The following ZNF556 variants were observed in gnomAD, a reference collection of about 807,000 sequenced individuals.
The protein encoded by ZNF556 is zinc finger protein 556.
A neutral mutation model predicts 13.6 loss-of-function variants in ZNF556; 11 were observed. The observed-to-expected ratio is 0.81, with a 90% CI of 0.51 to 1.33. ZNF556 has a LOEUF of 1.33. Ranked by LOEUF, ZNF556 falls within the 40% of genes most tolerant of loss-of-function variation. The pLI is 0.00. For synonymous variants in ZNF556, 229 were observed against 207.8 expected (o/e 1.10, Z -0.88); for missense variants, 633 against 566.2 (o/e 1.12, Z -1.20).
rs1456227830 is a variant in ZNF556, at chr19:2,878,678, A to G, written c.*349A>G. The G allele has an allele frequency of 1.2e-5, 2 of 172,910 alleles. No homozygotes were observed. The highest frequency in any genetic ancestry group is 2.5e-5 in the Non-Finnish European group (2 of 80,276). 10.7% of individuals were successfully genotyped at this position (172,910 alleles called of 1,614,324 possible). A position where few individuals can be genotyped will look rare whatever the true frequency, so the allele number is the denominator to read the frequency against. On this transcript the variant is annotated 3_prime_UTR_variant, in exon 4 of 4. Coordinates refer to ENST00000307635, the MANE Select transcript of ZNF556 (RefSeq NM_024967.3). ...GTGACAGAGCGAGACTCCATCTCCA[A>G]AAAAAGAAAATTCATGGCAGGAGAA...
rs760573516 is a variant in ZNF556 at position 2,877,366 on chromosome 19, G to A, written c.408G>A (p.Leu136=). The stretch of plus-strand genomic sequence containing the variant: ...AGACTCGAAATTGTAATCGTCATCT[G>A]CGCAAGAATTGTTGTACTAGTGTAA... ...FRKTRNCNRH[L]RKNCCTSVRR... Residue 136 remains leucine (L), a synonymous_variant, in exon 4 of 4, where the codon CTG becomes CTA. Coordinates refer to ENST00000307635, the MANE Select transcript of ZNF556 (RefSeq NM_024967.3). 6.2e-7 allele frequency: 1 copy of A among 1,614,206 alleles called. No individual in the cohort carries two copies. The highest frequency in any genetic ancestry group is 1.3e-5 in the African/African-American group (1 of 75,042).
chr19:2,872,485 A>G (rs1188755478), intron 1 of ZNF556, among the ~76,000 whole-genome samples: 1 of 152,176 alleles, frequency 6.6e-6, no homozygotes, highest in Non-Finnish European at 1.5e-5. Context: ...CTAGGTTATG[A>G]TTATAGAGCG....
In ZNF556 at chr19:2,878,212, G is replaced by A. The variant is rs189571491; in HGVS notation, c.1254G>A (p.Thr418=). ...GGLCSSKNVR[T]QIGQKPSKCE... ...TTTGCTCTTCCAAAAATGTAAGAACGCAGATTGGACAGAAGCCCAGTAAAT... is the reference window on the plus strand; with the variant it reads ...TTTGCTCTTCCAAAAATGTAAGAACACAGATTGGACAGAAGCCCAGTAAAT... The change falls in exon 4 of 4, where the codon ACG becomes ACA. Residue 418 remains threonine, a synonymous_variant. Coordinates refer to ENST00000307635, the MANE Select transcript of ZNF556 (RefSeq NM_024967.3). 1.6e-5 allele frequency: 26 copies of A among 1,614,154 alleles called. No individual in the cohort carries two copies. Among genetic ancestry groups the A allele is most frequent in the Middle Eastern group, 1.6e-4 (1 of 6,062 alleles).
chr19:2,867,855 T>C (rs1827521666), intron 1 of ZNF556, among the ~76,000 whole-genome samples: 1 of 151,952 alleles, frequency 6.6e-6, no homozygotes, highest in Non-Finnish European at 1.5e-5. Flanking sequence ...GTGCGGGCGC[T>C]CCACGTGGCG....
At chr19:2,875,128 T>C (rs2144889177) in intron 2 of ZNF556, 1 of 153,416 alleles carries the variant, frequency 6.5e-6, no homozygotes, top group East Asian at 1.9e-4. Flanking sequence ...TTGCTTTGTA[T>C]ACATAAGCAT....
In ZNF556 at chr19:2,881,538, C is replaced by G. The variant is rs1025685198; in HGVS notation, c.*3209C>G. ...GTTGCAGTGAGCCAAGATTGCGCCA[C>G]TGCACTCCAGCCTGGGCGACAAGAG... On this transcript the variant is annotated 3_prime_UTR_variant, in exon 4 of 4. Transcript: ENST00000307635. The G allele has an allele frequency of 6.6e-6, 1 of 151,378 alleles. No homozygotes were observed. The highest frequency in any genetic ancestry group is 2.4e-5 in the African/African-American group (1 of 41,116). The allele number at this position is 151,378 out of a possible 1,614,324, so 9.4% of individuals were successfully genotyped here. A position where few individuals can be genotyped will look rare whatever the true frequency, so the allele number is the denominator to read the frequency against.
rs534149377 is a variant in ZNF556, at chr19:2,882,237, C to G, written c.*3908C>G. 6.6e-6 allele frequency: 1 copy of G among 152,034 alleles called. No individual in the cohort carries two copies. Among genetic ancestry groups the G allele is most frequent in the Non-Finnish European group, 1.5e-5 (1 of 68,036 alleles). 9.4% of individuals were successfully genotyped at this position (152,034 alleles called of 1,614,324 possible). On this transcript the variant is annotated 3_prime_UTR_variant, in exon 4 of 4. Transcript: ENST00000307635. ...GGTCAGGAGATCAAGACCATCCTGGCTAACCCGGTGAAACCCTGTCTCTAG... is the reference window on the plus strand; with the variant it reads ...GGTCAGGAGATCAAGACCATCCTGGGTAACCCGGTGAAACCCTGTCTCTAG...
chr19:2,869,632 C>T (rs1017991015), intron 1 of ZNF556, among the ~76,000 whole-genome samples: 3 of 152,304 alleles, frequency 2.0e-5, no homozygotes, highest in African/African-American at 7.2e-5. Flanking sequence ...TCCCAAAGTG[C>T]TGGGATTAAC....
intron 1 of ZNF556, among the ~76,000 whole-genome samples, 200 bp downstream of exon 1, chr19:2,867,624 G>A (rs959067733): frequency 1.3e-5 from 2 of 151,330 alleles, no homozygotes; most frequent in Admixed American, 1.3e-4. Context: ...TTGTCAGGAC[G>A]CTGGGATGGA....
chr19:2,876,793 G>T (rs1042224838), intron 3 of ZNF556, among the ~76,000 whole-genome samples: 1 of 152,122 alleles, frequency 6.6e-6, no homozygotes, highest in East Asian at 1.9e-4. Context: ...TTTTGTAATG[G>T]ACTGTGGTTG....
intron 1 of ZNF556, among the ~76,000 whole-genome samples, chr19:2,867,738 A>AAAAAAAACC (rs1227375570): frequency 7.0e-6 from 1 of 142,468 alleles, no homozygotes; most frequent in African/African-American, 2.5e-5. Flanking sequence ...AAAAAAAAAA[A>AAAAAAAACC]CCTCACCCCA....
Position 2,877,731 on chromosome 19 carries a change from C to T in ZNF556, c.773C>T (p.Pro258Leu), listed in dbSNP as rs775935402. Reference protein sequence around the residue: ...AHVMMHAGGRPYECKHCGKAF... With the variant: ...AHVMMHAGGRLYECKHCGKAF... ...GTGATGATGCACGCCGGAGGGAGAC[C>T]GTATGAGTGCAAGCACTGTGGGAAA... The change falls in exon 4 of 4, where the codon CCG becomes CTG. Residue 258 changes from proline (P) to leucine (L), a missense_variant. Pro to Leu is a moderately conservative substitution (Grantham distance 98). Transcript: ENST00000307635. 22 of 1,613,164 alleles carry T rather than the reference C, an allele frequency of 1.4e-5. No individual in the cohort carries two copies. Among genetic ancestry groups the T allele is most frequent in the Admixed American group, 1.0e-4 (6 of 59,944 alleles).
At chr19:2,873,710 T>G in intron 2 of ZNF556, 88 bp downstream of exon 2, 1 of 1,482,766 alleles carries the variant, frequency 6.7e-7, no homozygotes, top group Non-Finnish European at 9.2e-7. Flanking sequence ...TCCCAGTGCT[T>G]TAGGAGGCTA....
intron 1 of ZNF556, among the ~76,000 whole-genome samples, chr19:2,871,071 C>T (rs990472134): frequency 1.3e-5 from 2 of 148,666 alleles, no homozygotes; most frequent in Non-Finnish European, 3.0e-5. Context: ...GACTATGACA[C>T]AGGATAAAGA....
rs199674434 is a variant in ZNF556 at position 2,877,925 on chromosome 19, G to T, written c.967G>T (p.Ala323Ser). The T allele has an allele frequency of 1.9e-6, 3 of 1,614,202 alleles. No homozygotes were observed. In the African/African-American group the frequency reaches 4.0e-5, roughly 22 times the overall value. ...CTATAAGTGTGGAAAATGCGGGAAA[G>T]CATTCGGTTGGCCCTCATCCTTACA... ...KPYKCGKCGK[A>S]FGWPSSLHKH... is the part of the protein sequence containing the mutation. Residue 323 changes from alanine (A) to serine (S), a missense_variant, in exon 4 of 4, where the codon GCA becomes TCA. Coordinates refer to ENST00000307635, the MANE Select transcript of ZNF556 (RefSeq NM_024967.3).
At position 2,877,588 on chromosome 19, in the gene ZNF556, G is replaced by T; in HGVS notation, c.630G>T (p.Lys210Asn). Residue 210 changes from lysine (K) to asparagine (N), a missense_variant, in exon 4 of 4, where the codon AAG becomes AAT. Transcript: ENST00000307635. ...EKPYACQSCG[K>N]TFLRSHSLTE... ...CCTATGCCTGTCAATCTTGCGGGAA[G>T]ACATTTCTTCGTTCCCACTCTCTCA... 6.2e-7 allele frequency: 1 copy of T among 1,614,172 alleles called. No individual in the cohort carries two copies. The highest frequency in any genetic ancestry group is 8.5e-7 in the Non-Finnish European group (1 of 1,180,034).
In ZNF556 at chr19:2,882,458, T is replaced by C. The variant is rs2087911055; in HGVS notation, c.*4129T>C. 6.6e-6 allele frequency: 1 copy of C among 151,672 alleles called. No individual in the cohort carries two copies. Among genetic ancestry groups the C allele is most frequent in the African/African-American group, 2.4e-5 (1 of 41,298 alleles). 9.4% of individuals were successfully genotyped at this position (151,672 alleles called of 1,614,324 possible). A position where few individuals can be genotyped will look rare whatever the true frequency, so the allele number is the denominator to read the frequency against. The stretch of plus-strand genomic sequence containing the variant: ...AAAAAAGAGACAAAAGGTATATTTA[T>C]GGTTCAGCCTCATTTCTGCAAATAT... On this transcript the variant is annotated 3_prime_UTR_variant, in exon 4 of 4. Coordinates refer to ENST00000307635, the MANE Select transcript of ZNF556 (RefSeq NM_024967.3).
chr19:2,873,801 T>C (rs1317454868), intron 2 of ZNF556, among the ~76,000 whole-genome samples, 179 bp downstream of exon 2: 2 of 142,146 alleles, frequency 1.4e-5, no homozygotes, highest in Non-Finnish European at 3.1e-5. Flanking sequence ...AAAAAAAAAA[T>C]CAAAAATTAG....
intron 2 of ZNF556, among the ~76,000 whole-genome samples, chr19:2,874,743 CAAAAAAAAAAAA>C (rs1165214161): frequency 6.1e-5 from 4 of 65,514 alleles, no homozygotes; most frequent in Non-Finnish European, 1.3e-4. Flanking sequence ...GACTCTGTCT[CAAAAAAAAAAAA>C]AAAAAAGAAA....
Sources: gnomAD v4.1 joint callset for allele counts (sites outside exome capture counted in the v4.1 genomes callset) on GRCh38, gnomAD v4.1.1 for gene constraint, MANE v1.5 for transcripts, NCBI Gene and HGNC (gene_info 2026-07-23, HGNC 2026-07-21) for gene names.